Variants in AEBP2 observed in about 807,000 individuals in gnomAD.
The protein encoded by AEBP2 is AE binding protein 2, also known as zinc finger protein AEBP2.
In AEBP2, 10 loss-of-function variants were observed where a neutral mutation model predicts 50.8. The ratio of observed to expected loss-of-function variants is 0.20; its 90% CI spans 0.12 to 0.33. The LOEUF is 0.33. Among genes scored for constraint, AEBP2 ranks in the 10% least tolerant of loss-of-function variants. AEBP2 has a pLI of 1.00. For synonymous variants in AEBP2, 296 were observed against 261.3 expected, an observed-to-expected ratio of 1.13 and a Z score of -1.28; for missense variants, 570 against 688.0, an observed-to-expected ratio of 0.83 and a Z score of 1.92.
At position 19,418,617 on chromosome 12, in the gene AEBP2, C is replaced by T. The variant is rs7138902; in HGVS notation, c.-17+14401C>T. 5.3e-3 allele frequency among the ~76,000 whole-genome samples: 807 copies of T among 152,188 alleles called. 6 individuals carry two copies. Among genetic ancestry groups the T allele is most frequent in the African/African-American group, 0.015 (632 of 41,534 alleles). On this transcript the variant is annotated intron_variant, in intron 1 of 3. Transcript: ENST00000538425. ...CAATATGAGTCTGTAAGAATCCCCC[C>T]ACTTTGAGTTGTCCTGCCTTTCCAG...
intron 4 of AEBP2, among the ~76,000 whole-genome samples, chr12:19,499,615 T>A (rs10129055): frequency 0.83 from 120,523 of 146,042 alleles, 49,371 homozygotes; most frequent in African/African-American, 0.9. Flanking sequence ...CTCTGTCTCT[T>A]AAAAAAAAAA....
At chr12:19,477,579 A>C (rs1398561528) in intron 3 of AEBP2, among the ~76,000 whole-genome samples, 1 of 152,216 alleles carries the variant, frequency 6.6e-6, no homozygotes, top group African/African-American at 2.4e-5. Context: ...TATGTGATAC[A>C]TCACATTTAC....
chr12:19,518,218 CTT>C lies in AEBP2; in HGVS notation c.*120_*121del, dbSNP rs34795094. The C allele has an allele frequency of 0.039, 42,627 of 1,098,416 alleles. No individual in the cohort carries two copies. Among genetic ancestry groups the C allele is most frequent in the East Asian group, 0.074 (1,745 of 23,708 alleles). 68.0% of individuals were successfully genotyped at this position (1,098,416 alleles called of 1,614,324 possible). ...AGTTGCACATTAGAGTCAACCCCTT[CTT>C]TTTTTTTTTTTTTTTTTTAAATCCA... On this transcript the variant is annotated 3_prime_UTR_variant, in exon 8 of 8. Coordinates refer to ENST00000266508, the MANE Select transcript of AEBP2 (RefSeq NM_153207.5).
chr12:19,413,362 G>T, intron 1 of AEBP2: 1 of 1,062,220 alleles, frequency 9.4e-7, no homozygotes, highest in South Asian at 1.3e-5. Context: ...AGGTTTAATA[G>T]AAATCCTTTA....
At chr12:19,414,882 C>T (rs1446608548) in intron 1 of AEBP2, among the ~76,000 whole-genome samples, 1 of 150,704 alleles carries the variant, frequency 6.6e-6, no homozygotes, top group African/African-American at 2.4e-5. Flanking sequence ...GAGATTGTGC[C>T]ACTGCACTCC....
chr12:19,442,678 A>G (rs1266427805), intron 1 of AEBP2, among the ~76,000 whole-genome samples: 2 of 152,212 alleles, frequency 1.3e-5, no homozygotes, highest in Non-Finnish European at 2.9e-5. Context: ...TAGAGACTAC[A>G]GAATACTGTT....
intron 1 of AEBP2, chr12:19,413,071 C>G (rs965006077): frequency 1.8e-6 from 1 of 555,254 alleles, no homozygotes; most frequent in Non-Finnish European, 3.3e-6. Flanking sequence ...CAAGCACAGT[C>G]TCAGCTTTTG....
rs1160866171 is a variant in AEBP2 at position 19,439,528 on chromosome 12, C to T, written c.-172C>T. On this transcript the variant is annotated 5_prime_UTR_variant, in exon 1 of 8. Transcript: ENST00000266508. ...GAGTGCGCGTAGTCGCGCGCCTGTC[C>T]CCGCGCGGGCTCCGTAGCGCGTGTG... The T allele has an allele frequency of 2.3e-6, 2 of 858,260 alleles. No homozygotes were observed. The highest frequency in any genetic ancestry group is 3.6e-5 in the Admixed American group (1 of 28,166). The allele number at this position is 858,260 out of a possible 1,614,324, so 53.2% of individuals were successfully genotyped here.
intron 5 of AEBP2, among the ~76,000 whole-genome samples, chr12:19,502,411 G>A (rs1949095148): frequency 6.6e-6 from 1 of 152,080 alleles, no homozygotes. Flanking sequence ...TGGGATTACA[G>A]GCATGAGCCA....
intron 1 of AEBP2, among the ~76,000 whole-genome samples, chr12:19,453,021 A>C (rs1948192309): frequency 2.2e-5 from 3 of 134,506 alleles, no homozygotes. Flanking sequence ...GCTGGAATGC[A>C]GTAGTAGCAT....
intron 3 of AEBP2, among the ~76,000 whole-genome samples, chr12:19,479,050 A>C (rs1948690210): frequency 6.6e-6 from 1 of 152,108 alleles, no homozygotes. Flanking sequence ...CTCAACAAAA[A>C]ATAAAAGAAT....
At chr12:19,454,164 A>G (rs1043096634) in intron 1 of AEBP2, among the ~76,000 whole-genome samples, 2 of 152,120 alleles carry the variant, frequency 1.3e-5, no homozygotes, top group Non-Finnish European at 2.9e-5. Flanking sequence ...TGCTGGGATT[A>G]ACAGATGTGA....
At chr12:19,413,943 G>T (rs1429858639) in intron 1 of AEBP2, among the ~76,000 whole-genome samples, 10 of 151,636 alleles carry the variant, frequency 6.6e-5, no homozygotes, top group Non-Finnish European at 1.3e-4. Flanking sequence ...ACCCAGGCTG[G>T]AGTGCAGCGC....
chr12:19,430,909 G>C (rs2095751077), intron 1 of AEBP2, among the ~76,000 whole-genome samples: 1 of 151,658 alleles, frequency 6.6e-6, no homozygotes, highest in Non-Finnish European at 1.5e-5. Flanking sequence ...TGTAGTTACA[G>C]CTACTCAGGA....
At chr12:19,457,615 C>T (rs1309350404) in intron 1 of AEBP2, 21 of 1,467,562 alleles carry the variant, frequency 1.4e-5, no homozygotes, top group Non-Finnish European at 1.7e-5. Flanking sequence ...TGTCCAATGA[C>T]GACAATGTGG....
chr12:19,447,456 G>T (rs1390479188), intron 1 of AEBP2, among the ~76,000 whole-genome samples: 1 of 152,192 alleles, frequency 6.6e-6, no homozygotes, highest in Non-Finnish European at 1.5e-5. Flanking sequence ...ACCTGGCTAT[G>T]TAAACGTTAT....
chr12:19,477,921 G>A (rs951776089), intron 3 of AEBP2, among the ~76,000 whole-genome samples: 6 of 152,018 alleles, frequency 3.9e-5, no homozygotes, highest in African/African-American at 9.7e-5. Context: ...CAGAAGGGTC[G>A]TGTATTTCCC....
chr12:19,490,325 C>T (rs1948879088), intron 3 of AEBP2, among the ~76,000 whole-genome samples: 1 of 152,092 alleles, frequency 6.6e-6, no homozygotes, highest in Non-Finnish European at 1.5e-5. Flanking sequence ...TTGAATGGTA[C>T]AAAACTAACC....
chr12:19,453,964 C>T (rs768406594), intron 1 of AEBP2, among the ~76,000 whole-genome samples: 2 of 151,998 alleles, frequency 1.3e-5, no homozygotes, highest in Non-Finnish European at 2.9e-5. Context: ...TGCCTGGCCC[C>T]CAGTTTATGT....
Sources: gnomAD v4.1 joint callset for allele counts (sites outside exome capture counted in the v4.1 genomes callset) on GRCh38, gnomAD v4.1.1 for gene constraint, MANE v1.5 for transcripts, NCBI Gene and HGNC (gene_info 2026-07-23, HGNC 2026-07-21) for gene names.